Variants in HAO1 observed in about 807,000 individuals in gnomAD.
HAO1 encodes 2-Hydroxyacid oxidase 1.
HAO1 carries 34 observed loss-of-function variants against 39.7 expected under a neutral mutation model. That is an observed-to-expected ratio of 0.86 (90% confidence interval 0.65 to 1.14). The LOEUF is 1.14. Ranked by LOEUF, HAO1 falls within the 50% of genes most tolerant of loss-of-function variation. The pLI is 0.00. For missense variants in HAO1, 479 were observed against 464.5 expected (o/e 1.03, Z -0.29); for synonymous variants, 172 against 173.2 (o/e 0.99, Z 0.05).
At chr20:7,895,360 A>G in intron 4 of HAO1, 136 bp from the exon 5 acceptor site, 1 of 627,760 alleles carries the variant, frequency 1.6e-6, no homozygotes, top group Non-Finnish European at 2.9e-6. Flanking sequence ...GCATAAAAGT[A>G]TACCCTAGGG....
At chr20:7,921,380 A>G (rs1248913739) in intron 2 of HAO1, among the ~76,000 whole-genome samples, 1 of 152,178 alleles carries the variant, frequency 6.6e-6, no homozygotes, top group Admixed American at 6.5e-5. Flanking sequence ...ATCATCAAAG[A>G]AATGCAAATC....
intron 3 of HAO1, among the ~76,000 whole-genome samples, chr20:7,909,389 A>ATGTATATATG (rs1464877599): frequency 2.1e-5 from 3 of 140,994 alleles, no homozygotes; most frequent in African/African-American, 8.0e-5. Context: ...GTATATATAT[A>ATGTATATATG]TATATATATA....
At chr20:7,933,677 T>C (rs2050396762) in intron 2 of HAO1, among the ~76,000 whole-genome samples, 1 of 152,250 alleles carries the variant, frequency 6.6e-6, no homozygotes, top group Non-Finnish European at 1.5e-5. Flanking sequence ...AAATATTATA[T>C]AGTCGTGTTC....
At chr20:7,894,389 A>G (rs940017238) in intron 5 of HAO1, among the ~76,000 whole-genome samples, 1 of 152,020 alleles carries the variant, frequency 6.6e-6, no homozygotes, top group African/African-American at 2.4e-5. Flanking sequence ...TGATTTGCCT[A>G]CTCCAGTGCA....
At chr20:7,924,539 C>G (rs1471703636) in intron 2 of HAO1, among the ~76,000 whole-genome samples, 2 of 151,828 alleles carry the variant, frequency 1.3e-5, no homozygotes, top group Non-Finnish European at 2.9e-5. Flanking sequence ...ACCACCACCA[C>G]AAAACAATAG....
intron 2 of HAO1, among the ~76,000 whole-genome samples, chr20:7,918,746 C>T (rs1302254271): frequency 6.6e-6 from 1 of 152,190 alleles, no homozygotes; most frequent in Admixed American, 6.5e-5. Context: ...CCTTTGAGTT[C>T]ACACTGCTCA....
intron 2 of HAO1, among the ~76,000 whole-genome samples, chr20:7,924,551 G>A (rs111388888): frequency 0.025 from 3,800 of 152,000 alleles, 65 homozygotes; most frequent in Middle Eastern, 0.041. Flanking sequence ...AAACAATAGA[G>A]GGAAATAGAA....
intron 2 of HAO1, among the ~76,000 whole-genome samples, chr20:7,916,797 T>A (rs1296020875): frequency 6.6e-6 from 1 of 152,238 alleles, no homozygotes; most frequent in Non-Finnish European, 1.5e-5. Context: ...GAGGTCATCA[T>A]GTCTATAGAT....
In HAO1 at chr20:7,895,465, T is replaced by C. The variant is rs2050192770; in HGVS notation, c.722-241A>G. Among the ~76,000 whole-genome samples, 5 of 152,168 alleles carry C rather than the reference T, an allele frequency of 3.3e-5. No homozygotes were observed. In the South Asian group the frequency reaches 1.0e-3, roughly 32 times the overall value. On this transcript the variant is annotated intron_variant, in intron 4 of 7. Transcript: ENST00000378789. ...TTTAATTGTAAAATATACAAAAGTATCAATAGATAATACATTGACATAAAG... is the reference window on the plus strand; with the variant it reads ...TTTAATTGTAAAATATACAAAAGTACCAATAGATAATACATTGACATAAAG...
Position 7,883,273 on chromosome 20 carries a change from C to G in HAO1, c.*320G>C, listed in dbSNP as rs901089770. ...CATTATCTTTTCACCTTAGTGTTTG[C>G]TACCTCCAATTTTACTAAAGGATAC... On this transcript the variant is annotated 3_prime_UTR_variant, in exon 8 of 8. Transcript: ENST00000378789. 3.1e-6 allele frequency: 1 copy of G among 326,862 alleles called. No homozygotes were observed. The highest frequency in any genetic ancestry group is 5.8e-6 in the Non-Finnish European group (1 of 173,128). 20.2% of individuals were successfully genotyped at this position (326,862 alleles called of 1,614,324 possible). A position where few individuals can be genotyped will look rare whatever the true frequency, so the allele number is the denominator to read the frequency against.
In HAO1 at chr20:7,915,698, G is replaced by A. The variant is rs940289789; in HGVS notation, c.290-1279C>T. The stretch of plus-strand genomic sequence containing the variant: ...ATCCTATTAATTCTGTTTCTCTGGA[G>A]AACTCTGGGTATTACAATTTTAAAA... On this transcript the variant is annotated intron_variant, in intron 2 of 7. Coordinates refer to ENST00000378789, the MANE Select transcript of HAO1 (RefSeq NM_017545.3). Among the ~76,000 whole-genome samples, 3 of 152,090 alleles carry A rather than the reference G, an allele frequency of 2.0e-5. No homozygotes were observed. In the East Asian group the frequency reaches 5.8e-4, roughly 29 times the overall value.
At chr20:7,899,835 AGAGTTTAAGAGTG>A (rs1344093920) in intron 4 of HAO1, among the ~76,000 whole-genome samples, 1 of 152,194 alleles carries the variant, frequency 6.6e-6, no homozygotes, top group African/African-American at 2.4e-5. Context: ...ATTAATTCTT[AGAGTTTAAGAGTG>A]TGGCATTCCA....
intron 2 of HAO1, among the ~76,000 whole-genome samples, chr20:7,925,192 C>T (rs1363107001): frequency 6.6e-6 from 1 of 152,170 alleles, no homozygotes; most frequent in Non-Finnish European, 1.5e-5. Flanking sequence ...AACAAACCTT[C>T]AACTACAATT....
intron 1 of HAO1, among the ~76,000 whole-genome samples, chr20:7,936,529 T>TGTGTGTGTGTGTGC (rs2050411277): frequency 6.7e-6 from 1 of 148,216 alleles, no homozygotes; most frequent in African/African-American, 2.6e-5. Context: ...TGTGTGTGTG[T>TGTGTGTGTGTGTGC]GTGTGTGTGT....
rs776436113 is a variant in HAO1, at chr20:7,934,601, C to A, written c.172G>T (p.Ala58Ser). The change falls in exon 2 of 8, where the codon GCT (alanine) becomes TCT (serine). Residue 58 changes from alanine to serine, a missense_variant. Transcript: ENST00000378789. ...KLYPRMLRNV[A>S]ETDLSTSVLG... ...ACAGAAGTCGACAGATCTGTTTCAG[C>A]AACATTCCGGAGCATCCTTGGATAC... 1.9e-6 allele frequency: 3 copies of A among 1,610,650 alleles called. No homozygotes were observed. Among genetic ancestry groups the A allele is most frequent in the East Asian group, 4.5e-5 (2 of 44,734 alleles).
intron 4 of HAO1, among the ~76,000 whole-genome samples, chr20:7,904,210 T>C (rs2050237170): frequency 6.6e-6 from 1 of 152,198 alleles, no homozygotes; most frequent in Non-Finnish European, 1.5e-5. Flanking sequence ...AATTTAATTA[T>C]ACCTTCTCAG....
intron 4 of HAO1, among the ~76,000 whole-genome samples, chr20:7,904,263 C>T (rs919945155): frequency 1.6e-4 from 24 of 152,128 alleles, no homozygotes; most frequent in Non-Finnish European, 5.9e-5. Context: ...ACAATTATCT[C>T]TTTTCTGGGC....
intron 5 of HAO1, among the ~76,000 whole-genome samples, chr20:7,891,240 T>G (rs6055370): frequency 0.25 from 38,250 of 152,078 alleles, 11,684 homozygotes; most frequent in African/African-American, 0.72. Flanking sequence ...GGCCATTCTT[T>G]CAGGAGTAAG....
At chr20:7,929,810 G>A (rs1017094562) in intron 2 of HAO1, among the ~76,000 whole-genome samples, 1 of 152,148 alleles carries the variant, frequency 6.6e-6, no homozygotes, top group Non-Finnish European at 1.5e-5. Context: ...GTTGCAGTGA[G>A]CTGAGATAGT....
Sources: gnomAD v4.1 joint callset for allele counts (sites outside exome capture counted in the v4.1 genomes callset) on GRCh38, gnomAD v4.1.1 for gene constraint, MANE v1.5 for transcripts, NCBI Gene and HGNC (gene_info 2026-07-23, HGNC 2026-07-21) for gene names.